The following LMBRD1 variants were observed in gnomAD, a reference collection of about 807,000 sequenced individuals.
LMBRD1 encodes LMBR1 domain containing 1.
In LMBRD1, 64 loss-of-function variants were observed where a neutral mutation model predicts 74.8. The ratio of observed to expected loss-of-function variants is 0.86; its 90% CI spans 0.70 to 1.05. The LOEUF (loss-of-function observed/expected upper bound fraction) is 1.05, where lower values mean the gene tolerates loss of function less well. Ranked by LOEUF, LMBRD1 falls within the 50% of genes least tolerant of loss-of-function variation. The pLI is 0.00. For synonymous variants in LMBRD1, 204 were observed against 216.3 expected (o/e 0.94, Z 0.50); for missense variants, 652 against 645.9 (o/e 1.01, Z -0.10).
At chr6:69,714,368 G>A (rs1766447400) in intron 8 of LMBRD1, among the ~76,000 whole-genome samples, 1 of 151,834 alleles carries the variant, frequency 6.6e-6, no homozygotes, top group Non-Finnish European at 1.5e-5. Flanking sequence ...GCTTTCTTTG[G>A]CCAACCTATC....
At chr6:69,743,390 T>C (rs1294203566) in intron 5 of LMBRD1, among the ~76,000 whole-genome samples, 1 of 152,220 alleles carries the variant, frequency 6.6e-6, no homozygotes, top group Non-Finnish European at 1.5e-5. Context: ...TAATCAAAGA[T>C]ATTGTACAGA....
chr6:69,764,623 T>C (rs992349914), intron 3 of LMBRD1, among the ~76,000 whole-genome samples: 3 of 152,200 alleles, frequency 2.0e-5, no homozygotes, highest in African/African-American at 7.2e-5. Flanking sequence ...CATTCATAAA[T>C]CTTCCCTGAT....
chr6:69,751,784 C>G (rs1765164103), intron 4 of LMBRD1, among the ~76,000 whole-genome samples: 2 of 152,202 alleles, frequency 1.3e-5, no homozygotes, highest in South Asian at 4.1e-4. Flanking sequence ...TCTCTGGATA[C>G]TTTTAACACT....
chr6:69,701,432 A>G lies in LMBRD1; in HGVS notation c.1083+11T>C. 6.8e-7 allele frequency: 1 copy of G among 1,462,658 alleles called. No individual in the cohort carries two copies. The highest frequency in any genetic ancestry group is 9.6e-7 in the Non-Finnish European group (1 of 1,044,538). 90.6% of individuals were successfully genotyped at this position (1,462,658 alleles called of 1,614,324 possible). ...GCAGCTACAGTATAAAATGATTGAT[A>G]TTTTACTTACTGTTTGTAGTAAAGG... On this transcript the variant is annotated intron_variant, in intron 11 of 15. Coordinates refer to ENST00000649934, the MANE Select transcript of LMBRD1 (RefSeq NM_018368.4).
chr6:69,691,702 C>T (rs543227027), intron 14 of LMBRD1, among the ~76,000 whole-genome samples: 3 of 151,892 alleles, frequency 2.0e-5, no homozygotes, highest in Non-Finnish European at 4.4e-5. Flanking sequence ...CGGTGAAACC[C>T]TGTCTCTACT....
intron 14 of LMBRD1, among the ~76,000 whole-genome samples, chr6:69,688,959 T>C (rs1428272285): frequency 6.6e-6 from 1 of 152,078 alleles, no homozygotes; most frequent in African/African-American, 2.4e-5. Context: ...AAATACCCAG[T>C]TGGTTCCTTT....
In LMBRD1 at chr6:69,796,923, G is replaced by A. The variant is rs771127991; in HGVS notation, c.-42C>T. 3.8e-5 allele frequency: 59 copies of A among 1,538,518 alleles called. No individual in the cohort carries two copies. In the Admixed American group the frequency reaches 9.7e-4, roughly 25 times the overall value. ...GACCAACCTGAGCGCCCGGGGTGGG[G>A]AAAGGGGAGGGGGAAAGGGGAGAGA... On this transcript the variant is annotated 5_prime_UTR_variant, in exon 1 of 16. Transcript: ENST00000649934.
At chr6:69,779,988 A>G (rs1765792497) in intron 3 of LMBRD1, among the ~76,000 whole-genome samples, 1 of 152,206 alleles carries the variant, frequency 6.6e-6, no homozygotes, top group Admixed American at 6.5e-5. Flanking sequence ...AAACCTGGCA[A>G]TACCAGCACT....
intron 14 of LMBRD1, among the ~76,000 whole-genome samples, chr6:69,693,847 A>G (rs3799104): frequency 0.36 from 54,879 of 151,602 alleles, 10,507 homozygotes; most frequent in East Asian, 0.54. Context: ...GCCACCCCAA[A>G]TTTAGTTATA....
chr6:69,794,464 T>C (rs1242197600), intron 1 of LMBRD1, among the ~76,000 whole-genome samples: 2 of 152,236 alleles, frequency 1.3e-5, no homozygotes, highest in African/African-American at 4.8e-5. Context: ...AGTTTAGAGT[T>C]AAAAGCTAAA....
chr6:69,791,505 T>C (rs1275895131), intron 1 of LMBRD1, among the ~76,000 whole-genome samples: 1 of 152,236 alleles, frequency 6.6e-6, no homozygotes, highest in Non-Finnish European at 1.5e-5. Context: ...ATCAGTACTT[T>C]AAATGCCTGA....
rs146703309 is a variant in LMBRD1, at chr6:69,683,335, T to C, written c.1418-6794A>G. 1.2e-4 allele frequency among the ~76,000 whole-genome samples: 19 copies of C among 152,202 alleles called. No homozygotes were observed. The East Asian group carries it at 1.5e-3, about 12-fold the overall frequency. ...GTATGACTATAAATTTGATTTTCCA[T>C]GCAAATTCTTTCTCTCTGGTAATAA... On this transcript the variant is annotated intron_variant, in intron 14 of 15. Coordinates refer to ENST00000649934, the MANE Select transcript of LMBRD1 (RefSeq NM_018368.4).
In LMBRD1 at chr6:69,790,315, T is replaced by C; in HGVS notation, c.227A>G (p.Asn76Ser). 1.2e-6 allele frequency: 2 copies of C among 1,611,272 alleles called. No homozygotes were observed. The highest frequency in any genetic ancestry group is 1.7e-6 in the Non-Finnish European group (2 of 1,177,548). The part of the protein sequence containing the change: ...VDIFLVSYMK[N>S]QNGTFKDWAN... ...ATTTACCTTAAATGTACCATTTTGA[T>C]TTTTCATGTAAGAAACCAAAAATAT... The change falls in exon 2 of 16, where the codon AAT (asparagine) becomes AGT (serine). Residue 76 changes from asparagine (N) to serine (S), a missense_variant. By Grantham distance (46) the Asn-to-Ser change is conservative. Coordinates refer to ENST00000649934, the MANE Select transcript of LMBRD1 (RefSeq NM_018368.4).
At chr6:69,700,437 G>A (rs1475093289) in intron 12 of LMBRD1, among the ~76,000 whole-genome samples, 1 of 151,594 alleles carries the variant, frequency 6.6e-6, no homozygotes, top group Non-Finnish European at 1.5e-5. Context: ...GACATTTTAG[G>A]CTAGGTAAGT....
intron 9 of LMBRD1, among the ~76,000 whole-genome samples, chr6:69,707,337 T>A (rs1435781877): frequency 6.6e-6 from 1 of 152,214 alleles, no homozygotes; most frequent in Non-Finnish European, 1.5e-5. Context: ...TCTTTATATC[T>A]TAAGGTTTAT....
At chr6:69,732,175 C>CA (rs1766872877) in intron 7 of LMBRD1, among the ~76,000 whole-genome samples, 1 of 152,092 alleles carries the variant, frequency 6.6e-6, no homozygotes, top group African/African-American at 2.4e-5. Flanking sequence ...GGTGTTGTAA[C>CA]ATGAACTGAA....
At chr6:69,783,657 T>G (rs1765884748) in intron 2 of LMBRD1, among the ~76,000 whole-genome samples, 1 of 152,162 alleles carries the variant, frequency 6.6e-6, no homozygotes, top group Admixed American at 6.5e-5. Flanking sequence ...TGAGCCACCA[T>G]ACCTGGACTA....
chr6:69,739,228 C>T (rs564091376), intron 6 of LMBRD1, among the ~76,000 whole-genome samples: 2 of 152,202 alleles, frequency 1.3e-5, no homozygotes, highest in African/African-American at 2.4e-5. Flanking sequence ...AATAGACATG[C>T]TGACATATTT....
intron 9 of LMBRD1, among the ~76,000 whole-genome samples, chr6:69,710,570 G>C (rs777580827): frequency 6.6e-6 from 1 of 151,972 alleles, no homozygotes; most frequent in African/African-American, 2.4e-5. Context: ...ACTAGGAGAC[G>C]ATACAATACA....
Sources: allele counts gnomAD v4.1 joint callset (sites outside exome capture counted in the v4.1 genomes callset), GRCh38; gene constraint gnomAD v4.1.1; transcripts MANE v1.5; gene names NCBI Gene and HGNC (gene_info 2026-07-23, HGNC 2026-07-21).